HMGA1: variants seen among roughly 807,000 people sequenced by gnomAD.
HMGA1 encodes the protein high mobility group AT-hook 1, also known as high mobility group protein HMG-I/HMG-Y.
HMGA1 carries 1 observed loss-of-function variant against 15.1 expected under a neutral mutation model. The ratio of observed to expected loss-of-function variants is 0.07; its 90% CI spans 0.02 to 0.31. HMGA1 has a LOEUF of 0.31. Among genes scored for constraint, HMGA1 ranks in the 10% least tolerant of loss-of-function variants. The pLI, the probability that HMGA1 is intolerant of heterozygous loss-of-function variation, is 1.00. For missense variants in HMGA1, 94 were observed against 141.4 expected (o/e 0.66, Z 1.70); for synonymous variants, 56 against 54.8 (o/e 1.02, Z -0.10).
At chr6:34,242,955 T>G (rs1445514332) in intron 4 of HMGA1, among the ~76,000 whole-genome samples, 160 bp downstream of exon 4, 2 of 152,036 alleles carry the variant, frequency 1.3e-5, no homozygotes, top group Non-Finnish European at 2.9e-5. Context: ...CTTTGCTAAC[T>G]GGGGAGAGTG....
In HMGA1 at chr6:34,245,861, T is replaced by C. The variant is rs1342967715; in HGVS notation, c.*977T>C. 1.6e-5 allele frequency: 5 copies of C among 317,078 alleles called. No individual in the cohort carries two copies. Among genetic ancestry groups the C allele is most frequent in the African/African-American group, 8.9e-5 (4 of 44,888 alleles). 19.6% of individuals were successfully genotyped at this position (317,078 alleles called of 1,614,324 possible). ...TTCACAAACTACCTCTGGACAGTTGTGTTGTTTTTTGTTCAATGTTCCATT... is the reference window on the plus strand; with the variant it reads ...TTCACAAACTACCTCTGGACAGTTGCGTTGTTTTTTGTTCAATGTTCCATT... On this transcript the variant is annotated 3_prime_UTR_variant, in exon 6 of 6. Coordinates refer to ENST00000311487, the MANE Select transcript of HMGA1 (RefSeq NM_145899.3).
rs1397775197 is a variant in HMGA1 at position 34,237,277 on chromosome 6, C to CA, written c.-83dup. On this transcript the variant is annotated 5_prime_UTR_variant, in exon 2 of 6. Transcript: ENST00000311487. ...CAGCGCCCAGCACCGCCGCTCCCGG[C>CA]AACCCGGAGCGCGCACCGCAGGCCG... is the stretch of plus-strand genomic sequence containing the variant. 1 of 148,186 alleles carries CA rather than the reference C, an allele frequency of 6.7e-6. No individual in the cohort carries two copies. The highest frequency in any genetic ancestry group is 2.4e-5 in the African/African-American group (1 of 40,920). 9.2% of individuals were successfully genotyped at this position (148,186 alleles called of 1,614,324 possible). A position where few individuals can be genotyped will look rare whatever the true frequency, so the allele number is the denominator to read the frequency against.
chr6:34,240,136 C>T (rs1056874006), intron 2 of HMGA1, among the ~76,000 whole-genome samples: 1 of 152,328 alleles, frequency 6.6e-6, no homozygotes, highest in East Asian at 1.9e-4. Context: ...TGGGTGAGAA[C>T]AGAGAAGAGA....
At chr6:34,241,678 A>G (rs1430269334) in intron 3 of HMGA1, among the ~76,000 whole-genome samples, 3 of 152,222 alleles carry the variant, frequency 2.0e-5, no homozygotes, top group Non-Finnish European at 1.5e-5. Context: ...TTGGCCTCTT[A>G]CAGAGGCAGC....
chr6:34,242,901 C>T (rs1052758705), intron 4 of HMGA1, 106 bp downstream of exon 4: 1 of 811,262 alleles, frequency 1.2e-6, no homozygotes, highest in Non-Finnish European at 2.1e-6. Flanking sequence ...GCTCAGTCAT[C>T]TCAGTTGTGT....
At chr6:34,243,631 C>G in intron 5 of HMGA1, 113 bp downstream of exon 5, 1 of 894,646 alleles carries the variant, frequency 1.1e-6, no homozygotes, top group Non-Finnish European at 1.8e-6. Context: ...CCTTGACCTG[C>G]TGGGACATCA....
chr6:34,241,017 T>G (rs1032805340), intron 3 of HMGA1, 102 bp downstream of exon 3: 4 of 1,366,870 alleles, frequency 2.9e-6, no homozygotes, highest in African/African-American at 1.4e-5. Flanking sequence ...GGGTGCAGAA[T>G]GATTCTGCGC....
intron 5 of HMGA1, among the ~76,000 whole-genome samples, chr6:34,243,805 A>G (rs1412217840): frequency 2.0e-5 from 3 of 152,088 alleles, no homozygotes; most frequent in African/African-American, 7.2e-5. Context: ...CAGAACTTCT[A>G]GGGGAGATCT....
intron 2 of HMGA1, chr6:34,239,019 T>C (rs1223500794): frequency 1.3e-5 from 2 of 152,208 alleles, no homozygotes; most frequent in East Asian, 3.8e-4. Flanking sequence ...TGTGGTGTAA[T>C]ATAAGATTCT....
chr6:34,245,774 C>G lies in HMGA1; in HGVS notation c.*890C>G, dbSNP rs1362937741. 1 of 456,056 alleles carries G rather than the reference C, an allele frequency of 2.2e-6. No individual in the cohort carries two copies. The highest frequency in any genetic ancestry group is 2.0e-5 in the African/African-American group (1 of 49,938). 28.3% of individuals were successfully genotyped at this position (456,056 alleles called of 1,614,324 possible). ...CCAATAACAAGGAGCTCACCCTGCC[C>G]GCTCCCAACCCCCCTCCTGCTCCTC... On this transcript the variant is annotated 3_prime_UTR_variant, in exon 6 of 6. Transcript: ENST00000311487.
intron 3 of HMGA1, among the ~76,000 whole-genome samples, chr6:34,241,435 C>T (rs529191400): frequency 1.3e-5 from 2 of 152,360 alleles, no homozygotes; most frequent in South Asian, 4.1e-4. Flanking sequence ...TGGGCCAGCA[C>T]CTGTTTGTGC....
chr6:34,239,136 T>C (rs745362616), intron 2 of HMGA1, among the ~76,000 whole-genome samples: 49 of 152,194 alleles, frequency 3.2e-4, no homozygotes, highest in Non-Finnish European at 6.5e-4. Flanking sequence ...CATTATAAGA[T>C]AGAATAATTA....
Position 34,245,533 on chromosome 6 carries a change from GA to G in HMGA1, c.*650del. 2.2e-6 allele frequency: 3 copies of G among 1,381,382 alleles called. No homozygotes were observed. The highest frequency in any genetic ancestry group is 2.9e-6 in the Non-Finnish European group (3 of 1,035,920). The allele number at this position is 1,381,382 out of a possible 1,614,324, so 85.6% of individuals were successfully genotyped here. ...GCCCCCTTCGGTTACAGGAAGGCAG[GA>G]GGGGTGAGTCCCCTACTCCCTCTTC... On this transcript the variant is annotated 3_prime_UTR_variant, in exon 6 of 6. Coordinates refer to ENST00000311487, the MANE Select transcript of HMGA1 (RefSeq NM_145899.3).
At chr6:34,240,594 C>A (rs1264792728) in intron 2 of HMGA1, 143 bp from the exon 3 acceptor site, 3 of 685,072 alleles carry the variant, frequency 4.4e-6, no homozygotes, top group South Asian at 1.7e-5. Context: ...GGTGGGCAGA[C>A]CCCTCCATCC....
At chr6:34,241,650 C>T (rs562411418) in intron 3 of HMGA1, among the ~76,000 whole-genome samples, 17 of 152,224 alleles carry the variant, frequency 1.1e-4, no homozygotes, top group Non-Finnish European at 2.1e-4. Context: ...GCCATTTGGG[C>T]ATGGGGGGGA....
intron 4 of HMGA1, among the ~76,000 whole-genome samples, chr6:34,243,161 G>A (rs548130640): frequency 1.8e-4 from 27 of 152,290 alleles, no homozygotes; most frequent in Middle Eastern, 3.4e-3. Context: ...GGGACAGGCA[G>A]CAAAGGCCAG....
At chr6:34,241,400 C>A (rs936706640) in intron 3 of HMGA1, among the ~76,000 whole-genome samples, 1 of 152,228 alleles carries the variant, frequency 6.6e-6, no homozygotes, top group African/African-American at 2.4e-5. Flanking sequence ...ACTTCCTCAT[C>A]CCAGGTGAGA....
chr6:34,244,183 T>C (rs1476790347), intron 5 of HMGA1, among the ~76,000 whole-genome samples: 1 of 139,052 alleles, frequency 7.2e-6, no homozygotes, highest in Non-Finnish European at 1.6e-5. Flanking sequence ...GTGGGGGGGT[T>C]AGGGGGTGCT....
chr6:34,245,148 G>A lies in HMGA1; in HGVS notation c.*264G>A. On this transcript the variant is annotated 3_prime_UTR_variant, in exon 6 of 6. Transcript: ENST00000311487. ...CCCGCCCACCCACGCATACACACAT[G>A]CCCTCCTGGACAAGGCTAACATCCC... The A allele has an allele frequency of 1.4e-6, 2 of 1,420,630 alleles. No individual in the cohort carries two copies. The highest frequency in any genetic ancestry group is 1.9e-6 in the Non-Finnish European group (2 of 1,058,412). The allele number at this position is 1,420,630 out of a possible 1,614,324, so 88.0% of individuals were successfully genotyped here. A position where few individuals can be genotyped will look rare whatever the true frequency, so the allele number is the denominator to read the frequency against.
Sources: gnomAD v4.1 joint callset for allele counts (sites outside exome capture counted in the v4.1 genomes callset) on GRCh38, gnomAD v4.1.1 for gene constraint, MANE v1.5 for transcripts, NCBI Gene and HGNC (gene_info 2026-07-23, HGNC 2026-07-21) for gene names.